Variants in ENTPD3 observed in about 807,000 individuals in gnomAD.
The protein encoded by ENTPD3 is CD39 antigen-like 3.
A neutral mutation model predicts 51.2 loss-of-function variants in ENTPD3; 60 were observed. That is an observed-to-expected ratio of 1.17 (90% CI 0.95 to 1.45). The LOEUF is 1.45. Ranked by LOEUF, ENTPD3 falls within the 40% of genes most tolerant of loss-of-function variation. ENTPD3 has a pLI of 0.00. For synonymous variants in ENTPD3, 221 were observed against 238.4 expected, an observed-to-expected ratio of 0.93 and a Z score of 0.67; for missense variants, 593 against 641.1, an observed-to-expected ratio of 0.93 and a Z score of 0.81.
At chr3:40,423,461 T>A in intron 9 of ENTPD3, 60 bp downstream of exon 9, 3 of 1,155,286 alleles carry the variant, frequency 2.6e-6, no homozygotes, top group South Asian at 2.6e-5. Context: ...GAATCTATTC[T>A]ATGTGTGTGT....
intron 3 of ENTPD3, 45 bp downstream of exon 3, chr3:40,392,195 A>C (rs1559507002): frequency 6.3e-7 from 1 of 1,598,228 alleles, no homozygotes; most frequent in Middle Eastern, 1.7e-4. Flanking sequence ...ATGAGCATAA[A>C]GGGGAAGAAA....
Position 40,414,691 on chromosome 3 carries a change from G to A in ENTPD3, c.448G>A (p.Glu150Lys), listed in dbSNP as rs1271910931. The A allele has an allele frequency of 6.2e-7, 1 of 1,614,070 alleles. No individual in the cohort carries two copies. The highest frequency in any genetic ancestry group is 8.5e-7 in the Non-Finnish European group (1 of 1,179,962). Reference sequence around the variant, plus strand: ...CTGTGCCTTGTACAGGTTGCAAAATGAAACAGCAGCTAATGAAGTCCTTGA... The same window carrying A: ...CTGTGCCTTGTACAGGTTGCAAAATAAAACAGCAGCTAATGAAGTCCTTGA... ...AGMRLLRLQN[E>K]TAANEVLESI... The change falls in exon 6 of 11, where the codon GAA (glutamate) becomes AAA (lysine). Residue 150 changes from glutamate (E) to lysine (K), a missense_variant. Physicochemically the swap from Glu to Lys is moderately conservative, Grantham distance 56. Transcript: ENST00000301825.
At chr3:40,420,481 C>T (rs9849348) in intron 7 of ENTPD3, among the ~76,000 whole-genome samples, 85,148 of 151,622 alleles carry the variant, frequency 0.56, 24,246 homozygotes, top group Non-Finnish European at 0.6. Flanking sequence ...CCTCGTGATC[C>T]GCCCGCCTTG....
chr3:40,406,476 A>G (rs1239629328), intron 4 of ENTPD3, among the ~76,000 whole-genome samples: 2 of 152,190 alleles, frequency 1.3e-5, no homozygotes, highest in Non-Finnish European at 2.9e-5. Context: ...CTAATACGAT[A>G]TGACTTCTGT....
intron 2 of ENTPD3, chr3:40,391,801 C>T: frequency 5.1e-6 from 3 of 585,196 alleles, no homozygotes; most frequent in South Asian, 2.2e-5. Flanking sequence ...TGTTTTAGTA[C>T]ACAATTTGTG....
intron 4 of ENTPD3, among the ~76,000 whole-genome samples, chr3:40,402,953 G>T (rs1395662592): frequency 6.6e-6 from 1 of 152,128 alleles, no homozygotes; most frequent in Non-Finnish European, 1.5e-5. Flanking sequence ...AGGATCTTCA[G>T]TTGGCCTGTA....
chr3:40,392,548 G>C (rs1955084237), intron 3 of ENTPD3: 2 of 162,148 alleles, frequency 1.2e-5, no homozygotes, highest in South Asian at 3.8e-4. Context: ...GACTAGCTTG[G>C]GCAACATGGT....
chr3:40,392,291 C>A, intron 3 of ENTPD3, 141 bp downstream of exon 3: 6 of 978,728 alleles, frequency 6.1e-6, no homozygotes, highest in South Asian at 1.7e-5. Context: ...TAGTGTAAGA[C>A]GCAAGGGAGA....
rs577142723 is a variant in ENTPD3, at chr3:40,394,854, T to G, written c.168+2704T>G. On this transcript the variant is annotated intron_variant, in intron 3 of 10. Coordinates refer to ENST00000301825, the MANE Select transcript of ENTPD3 (RefSeq NM_001248.4). ...ACCCTGATAGCTGGGCTGCCTGCCC[T>G]GGGCCCCACATTTCAGAAGGACCAG... 1.9e-4 allele frequency among the ~76,000 whole-genome samples: 29 copies of G among 152,354 alleles called. 1 individual carries two copies. Among genetic ancestry groups the G allele is most frequent in the Non-Finnish European group, 2.1e-4 (14 of 68,034 alleles).
intron 4 of ENTPD3, among the ~76,000 whole-genome samples, chr3:40,410,826 T>G (rs542195551): frequency 6.6e-6 from 1 of 152,150 alleles, no homozygotes; most frequent in South Asian, 2.1e-4. Context: ...AAGATTGCAC[T>G]GTACCGAATT....
intron 2 of ENTPD3, chr3:40,391,754 T>A: frequency 2.2e-6 from 1 of 460,902 alleles, no homozygotes; most frequent in Non-Finnish European, 3.8e-6. Context: ...AACCAAAATA[T>A]CAGAAAACTA....
chr3:40,389,823 G>A (rs1955014540), intron 2 of ENTPD3, among the ~76,000 whole-genome samples: 3 of 152,186 alleles, frequency 2.0e-5, no homozygotes, highest in Non-Finnish European at 4.4e-5. Flanking sequence ...GACATGCCCT[G>A]TTATTCTTCT....
intron 2 of ENTPD3, among the ~76,000 whole-genome samples, chr3:40,389,631 A>G (rs1955011205): frequency 6.6e-6 from 1 of 152,220 alleles, no homozygotes; most frequent in South Asian, 2.1e-4. Flanking sequence ...TAAGGTGTTA[A>G]GTGACCAACT....
rs371849573 is a variant in ENTPD3 at position 40,414,804 on chromosome 3, G to C, written c.561G>C (p.Trp187Cys). 6.2e-7 allele frequency: 1 copy of C among 1,613,976 alleles called. No individual in the cohort carries two copies. Among genetic ancestry groups the C allele is most frequent in the Non-Finnish European group, 8.5e-7 (1 of 1,179,960 alleles). ...ISGQEEGVYGWITANYLMGNF... is the reference protein window; with the variant it reads ...ISGQEEGVYGCITANYLMGNF... ...GGCAAGAAGAAGGGGTATATGGATG[G>C]ATTACAGCCAACTATTTAATGGGAA... The change falls in exon 6 of 11, where the codon TGG becomes TGC. Residue 187 changes from tryptophan to cysteine, a missense_variant. Coordinates refer to ENST00000301825, the MANE Select transcript of ENTPD3 (RefSeq NM_001248.4).
intron 4 of ENTPD3, among the ~76,000 whole-genome samples, chr3:40,405,763 C>T (rs1955479145): frequency 6.6e-6 from 1 of 152,150 alleles, no homozygotes; most frequent in African/African-American, 2.4e-5. Flanking sequence ...GACATACTCC[C>T]AAGGTTTCAC....
At chr3:40,397,701 C>A (rs539390022) in intron 3 of ENTPD3, among the ~76,000 whole-genome samples, 2 of 152,270 alleles carry the variant, frequency 1.3e-5, no homozygotes, top group African/African-American at 4.8e-5. Context: ...ACAGATCACA[C>A]AATCCTTAAG....
chr3:40,398,067 T>C (rs1047313662), intron 3 of ENTPD3, among the ~76,000 whole-genome samples: 2 of 152,116 alleles, frequency 1.3e-5, no homozygotes, highest in African/African-American at 2.4e-5. Flanking sequence ...CAGTGAATGA[T>C]GGTAGGGCTA....
At chr3:40,401,916 T>C (rs951088444) in intron 4 of ENTPD3, among the ~76,000 whole-genome samples, 1 of 152,182 alleles carries the variant, frequency 6.6e-6, no homozygotes, top group African/African-American at 2.4e-5. Context: ...CTGAGTTTTA[T>C]ATTAACTGTT....
At chr3:40,403,584 AT>A (rs1955421128) in intron 4 of ENTPD3, among the ~76,000 whole-genome samples, 1 of 151,942 alleles carries the variant, frequency 6.6e-6, no homozygotes, top group Admixed American at 6.6e-5. Flanking sequence ...CAATAAGTCT[AT>A]TTGAAGGGGT....
Sources: allele counts gnomAD v4.1 joint callset (sites outside exome capture counted in the v4.1 genomes callset), GRCh38; gene constraint gnomAD v4.1.1; transcripts MANE v1.5; gene names NCBI Gene and HGNC (gene_info 2026-07-23, HGNC 2026-07-21).